The following RBM20 variants were observed in gnomAD, a reference collection of about 807,000 sequenced individuals.
RBM20 encodes the protein RNA-binding protein 20.
In RBM20, 51 loss-of-function variants were observed where a neutral mutation model predicts 110.1. The observed-to-expected ratio is 0.46, with a 90% CI of 0.37 to 0.59. The LOEUF is 0.59. Among genes scored for constraint, RBM20 ranks in the 20% least tolerant of loss-of-function variants. RBM20 has a pLI of 0.00. For missense variants in RBM20, 1,512 were observed against 1,574.9 expected (o/e 0.96, Z 0.68); for synonymous variants, 589 against 618.2 (o/e 0.95, Z 0.70).
rs1845137452 is a variant in RBM20, at chr10:110,836,825, A to G, written c.*847A>G. The G allele has an allele frequency of 6.6e-6, 1 of 152,196 alleles. No individual in the cohort carries two copies. Among genetic ancestry groups the G allele is most frequent in the African/African-American group, 2.4e-5 (1 of 41,442 alleles). 9.4% of individuals were successfully genotyped at this position (152,196 alleles called of 1,614,324 possible). Reference sequence around the variant, plus strand: ...ATTTGGTACAGAGTCACTGTAATTAAATATAAAAACAGAAGCATCTTCCTC... The same window carrying G: ...ATTTGGTACAGAGTCACTGTAATTAGATATAAAAACAGAAGCATCTTCCTC... On this transcript the variant is annotated 3_prime_UTR_variant, in exon 14 of 14. Coordinates refer to ENST00000369519, the MANE Select transcript of RBM20 (RefSeq NM_001134363.3).
chr10:110,649,212 GT>G (rs765995556), intron 1 of RBM20, among the ~76,000 whole-genome samples: 55 of 151,830 alleles, frequency 3.6e-4, no homozygotes, highest in Non-Finnish European at 6.2e-4. Context: ...ACATTATCCA[GT>G]TTCTTTCTTT....
Position 110,780,454 on chromosome 10 carries a change from C to T in RBM20, c.192-347C>T, listed in dbSNP as rs80253105. Among the ~76,000 whole-genome samples, 1,183 of 152,186 alleles carry T rather than the reference C, an allele frequency of 7.8e-3. 4 individuals are homozygous for T. Among genetic ancestry groups the T allele is most frequent in the Non-Finnish European group, 0.012 (825 of 68,014 alleles). Reference sequence around the variant, plus strand: ...GACTATCTTTTAACAAAGCTGTATGCGTTGATTATCATTGACATTGTGCCT... The same window carrying T: ...GACTATCTTTTAACAAAGCTGTATGTGTTGATTATCATTGACATTGTGCCT... On this transcript the variant is annotated intron_variant, in intron 1 of 13. Coordinates refer to ENST00000369519, the MANE Select transcript of RBM20 (RefSeq NM_001134363.3).
intron 1 of RBM20, among the ~76,000 whole-genome samples, chr10:110,686,647 A>G (rs1008258134): frequency 2.6e-5 from 4 of 152,104 alleles, no homozygotes; most frequent in Non-Finnish European, 5.9e-5. Flanking sequence ...ATAAAATATA[A>G]ATGGAAATTA....
intron 1 of RBM20, among the ~76,000 whole-genome samples, chr10:110,771,047 C>T (rs1844180921): frequency 6.6e-6 from 1 of 152,186 alleles, no homozygotes; most frequent in Non-Finnish European, 1.5e-5. Context: ...AGCATTGTAG[C>T]AATACACAGG....
chr10:110,645,424 C>T (rs955152572), intron 1 of RBM20, among the ~76,000 whole-genome samples: 6 of 152,222 alleles, frequency 3.9e-5, no homozygotes, highest in African/African-American at 1.4e-4. Flanking sequence ...TGAAGGATCT[C>T]TGCTCTCCTA....
At chr10:110,669,367 A>G (rs1590606451) in intron 1 of RBM20, among the ~76,000 whole-genome samples, 1 of 152,148 alleles carries the variant, frequency 6.6e-6, no homozygotes, top group African/African-American at 2.4e-5. Context: ...TCCTCCATGT[A>G]TTATTTGGAT....
chr10:110,809,151 G>A (rs890225292), intron 7 of RBM20, among the ~76,000 whole-genome samples: 4 of 139,858 alleles, frequency 2.9e-5, no homozygotes, highest in Admixed American at 7.9e-5. Flanking sequence ...GGGAGGTTGA[G>A]GCTTTCAGTG....
At chr10:110,818,186 G>A (rs1362699729) in intron 9 of RBM20, among the ~76,000 whole-genome samples, 1 of 151,162 alleles carries the variant, frequency 6.6e-6, no homozygotes, top group East Asian at 1.9e-4. Flanking sequence ...AGTTACTTGG[G>A]AGGCTGAGGC....
intron 1 of RBM20, among the ~76,000 whole-genome samples, chr10:110,681,884 C>CTT (rs375587549): frequency 2.0e-5 from 3 of 147,300 alleles, no homozygotes; most frequent in East Asian, 2.0e-4. Context: ...TTCTTTTCTG[C>CTT]TTTTTTTTTT....
rs12359298 is a variant in RBM20 at position 110,797,912 on chromosome 10, A to G, written c.1668+264A>G. Among the ~76,000 whole-genome samples, 61,736 of 151,974 alleles carry G rather than the reference A, an allele frequency of 0.41. 13,054 individuals carry two copies. The highest frequency in any genetic ancestry group is 0.6 in the South Asian group (2,868 of 4,808). Reference sequence around the variant, plus strand: ...GCTTTGGAATGAGGTGCTCATTCACATAGAAAGGGTAATTGGCACCCAAAA... The same window carrying G: ...GCTTTGGAATGAGGTGCTCATTCACGTAGAAAGGGTAATTGGCACCCAAAA... On this transcript the variant is annotated intron_variant, in intron 6 of 13. Transcript: ENST00000369519.
In RBM20 at chr10:110,835,959, T is replaced by G; in HGVS notation, c.3665T>G (p.Phe1222Cys). 7.6e-7 allele frequency: 1 copy of G among 1,316,730 alleles called. No individual in the cohort carries two copies. Among genetic ancestry groups the G allele is most frequent in the East Asian group, 2.6e-5 (1 of 39,134 alleles). 81.6% of individuals were successfully genotyped at this position (1,316,730 alleles called of 1,614,324 possible). ...GAGGACAGCGGAATCGTGCCACGCT[T>G]CGAAAGGAAAAAGCTCTGATGCTTC... ...RPEDSGIVPR[F>C]ERKKL Residue 1222 changes from phenylalanine to cysteine, a missense_variant, in exon 14 of 14, where the codon TTC (phenylalanine) becomes TGC (cysteine). By Grantham distance (205) the Phe-to-Cys change is radical. Coordinates refer to ENST00000369519, the MANE Select transcript of RBM20 (RefSeq NM_001134363.3).
intron 1 of RBM20, among the ~76,000 whole-genome samples, chr10:110,727,671 A>G (rs1204096727): frequency 2.0e-5 from 3 of 152,168 alleles, no homozygotes; most frequent in South Asian, 2.1e-4. Flanking sequence ...TCTGGGATAC[A>G]TGTGCTGAAC....
chr10:110,748,248 C>T (rs1246263506), intron 1 of RBM20, among the ~76,000 whole-genome samples: 1 of 152,132 alleles, frequency 6.6e-6, no homozygotes, highest in African/African-American at 2.4e-5. Context: ...AATGTGGGAA[C>T]ATTTTAGCTA....
chr10:110,676,712 G>T (rs953101806), intron 1 of RBM20, among the ~76,000 whole-genome samples: 7 of 152,136 alleles, frequency 4.6e-5, no homozygotes, highest in African/African-American at 1.7e-4. Context: ...CAGTCTCCTT[G>T]GTTGTGACAA....
At chr10:110,797,386 A>G (rs1564849176) in intron 5 of RBM20, 122 bp from the exon 6 acceptor site, 1 of 1,003,032 alleles carries the variant, frequency 1.0e-6, no homozygotes, top group East Asian at 2.7e-5. Flanking sequence ...TTCTGCATTA[A>G]TTTTGTAAAT....
At chr10:110,724,586 G>C (rs1485855048) in intron 1 of RBM20, among the ~76,000 whole-genome samples, 3 of 152,170 alleles carry the variant, frequency 2.0e-5, no homozygotes, top group Non-Finnish European at 4.4e-5. Flanking sequence ...TCCCCACAAA[G>C]AGTCACCTTG....
In RBM20 at chr10:110,823,464, G is replaced by C; in HGVS notation, c.3317-16G>C. The C allele has an allele frequency of 2.3e-6, 2 of 883,474 alleles. No homozygotes were observed. Among genetic ancestry groups the C allele is most frequent in the Non-Finnish European group, 3.0e-6 (2 of 669,482 alleles). The allele number at this position is 883,474 out of a possible 1,614,324, so 54.7% of individuals were successfully genotyped here. ...TTTTTTTTTTTTTTTTTTTTGCCTT[G>C]GTTCATGTTTTGCAGAAAACTCCAG... On this transcript the variant is annotated splice_polypyrimidine_tract_variant and intron_variant, in intron 11 of 13. Transcript: ENST00000369519.
chr10:110,769,143 T>G (rs1844150692), intron 1 of RBM20, among the ~76,000 whole-genome samples: 1 of 152,214 alleles, frequency 6.6e-6, no homozygotes, highest in Non-Finnish European at 1.5e-5. Context: ...CTGGGTTGAG[T>G]CAATCTCTGG....
intron 1 of RBM20, among the ~76,000 whole-genome samples, chr10:110,685,047 T>G (rs974781874): frequency 6.6e-6 from 1 of 151,848 alleles, no homozygotes; most frequent in African/African-American, 2.4e-5. Context: ...CGGTAGAGAG[T>G]GTTGTTTGCG....
Sources: gnomAD v4.1 joint callset for allele counts (sites outside exome capture counted in the v4.1 genomes callset) on GRCh38, gnomAD v4.1.1 for gene constraint, MANE v1.5 for transcripts, NCBI Gene and HGNC (gene_info 2026-07-23, HGNC 2026-07-21) for gene names.